The following USP13 variants were observed in gnomAD, a reference collection of about 807,000 sequenced individuals.
The protein encoded by USP13 is ubiquitin specific peptidase 13.
Under a neutral mutation model 107.8 loss-of-function variants are expected in USP13, and 68 were observed. The observed-to-expected ratio is 0.63, with a 90% CI of 0.52 to 0.77. USP13 has a LOEUF of 0.77. USP13 is among the 30% of genes least tolerant of loss of function. The pLI is 0.00. For synonymous variants in USP13, 377 were observed against 389.5 expected (o/e 0.97, Z 0.38); for missense variants, 945 against 1,093.3 (o/e 0.86, Z 1.91).
At chr3:179,683,511 G>A (rs1202863876) in intron 2 of USP13, among the ~76,000 whole-genome samples, 1 of 152,188 alleles carries the variant, frequency 6.6e-6, no homozygotes, top group Non-Finnish European at 1.5e-5. Context: ...CATGGTAGAA[G>A]GCAAAAAGGA....
chr3:179,724,173 G>T (rs1263213982), intron 8 of USP13, among the ~76,000 whole-genome samples: 2 of 151,546 alleles, frequency 1.3e-5, no homozygotes, highest in Non-Finnish European at 2.9e-5. Context: ...AAAATAATAA[G>T]AAGGCCGGGT....
At chr3:179,720,283 A>G (rs967865909) in intron 7 of USP13, among the ~76,000 whole-genome samples, 1 of 152,142 alleles carries the variant, frequency 6.6e-6, no homozygotes, top group Non-Finnish European at 1.5e-5. Flanking sequence ...GTTTAGTTGG[A>G]GTTTACTTGC....
Position 179,742,070 on chromosome 3 carries a change from A to G in USP13, c.1381-127A>G. 8.7e-7 allele frequency: 1 copy of G among 1,146,872 alleles called. No homozygotes were observed. The highest frequency in any genetic ancestry group is 1.2e-6 in the Non-Finnish European group (1 of 826,460). The allele number at this position is 1,146,872 out of a possible 1,614,324, so 71.0% of individuals were successfully genotyped here. On this transcript the variant is annotated intron_variant, in intron 11 of 20. Coordinates refer to ENST00000263966, the MANE Select transcript of USP13 (RefSeq NM_003940.3). The surrounding 1 kb of genome is among the most constrained non-coding windows in gnomAD (Gnocchi z 5.0). The stretch of plus-strand genomic sequence containing the variant: ...TTTTTCTATTAAAGTGCTTTGGTGA[A>G]TGGGCATGGCCAGAGGAAATGTTTA...
chr3:179,748,987 G>A (rs950642413), intron 13 of USP13, among the ~76,000 whole-genome samples: 17 of 152,174 alleles, frequency 1.1e-4, no homozygotes, highest in African/African-American at 4.1e-4. Flanking sequence ...ATAGGATGGA[G>A]TTGTTATTTC....
chr3:179,708,649 T>C, intron 5 of USP13, 124 bp from the exon 6 acceptor site: 1 of 1,193,434 alleles, frequency 8.4e-7, no homozygotes, highest in East Asian at 2.4e-5. Flanking sequence ...TGGGGAAGCA[T>C]CAGTCTCTGT....
chr3:179,666,056 A>G (rs1357340224), intron 1 of USP13, among the ~76,000 whole-genome samples: 2 of 152,174 alleles, frequency 1.3e-5, no homozygotes, highest in Admixed American at 6.5e-5. Context: ...GTTGGGACCA[A>G]CTTGGCTTGT....
chr3:179,757,209 C>A, intron 16 of USP13, 131 bp downstream of exon 16: 1 of 1,015,516 alleles, frequency 9.8e-7, no homozygotes, highest in Non-Finnish European at 1.5e-6. Flanking sequence ...GTGGGAACGG[C>A]TCTGTGTCTG....
intron 19 of USP13, among the ~76,000 whole-genome samples, chr3:179,775,951 T>C (rs1320363311): frequency 6.6e-6 from 1 of 152,136 alleles, no homozygotes; most frequent in East Asian, 1.9e-4. Flanking sequence ...AGCGGTGGGC[T>C]GAAGGGCTCC....
intron 1 of USP13, among the ~76,000 whole-genome samples, chr3:179,669,108 A>G (rs1560042236): frequency 6.6e-6 from 1 of 152,046 alleles, no homozygotes; most frequent in Non-Finnish European, 1.5e-5. Context: ...CCTCACTTCC[A>G]CCCTTTTCCA....
intron 1 of USP13, among the ~76,000 whole-genome samples, chr3:179,658,472 T>C (rs1720356167): frequency 6.6e-6 from 1 of 152,214 alleles, no homozygotes; most frequent in Non-Finnish European, 1.5e-5. Context: ...TGGAGCTGTT[T>C]ATGCCTTGCC....
intron 5 of USP13, 64 bp from the exon 6 acceptor site, chr3:179,708,709 T>C: frequency 6.3e-7 from 1 of 1,583,922 alleles, no homozygotes. Context: ...CCCTCTGTCT[T>C]CTTAGATGTT....
chr3:179,741,255 G>A (rs1413391324), intron 11 of USP13, among the ~76,000 whole-genome samples: 6 of 151,844 alleles, frequency 4.0e-5, no homozygotes, highest in African/African-American at 1.2e-4. Flanking sequence ...TGCTCTTGTC[G>A]CCCAGGCTGG....
intron 18 of USP13, 34 bp downstream of exon 18, chr3:179,764,202 TG>T (rs1715102556): frequency 1.1e-5 from 18 of 1,578,688 alleles, no homozygotes; most frequent in Non-Finnish European, 1.5e-5. Flanking sequence ...TGTGTGTGTG[TG>T]TGTGTGTGTG....
chr3:179,781,957 C>T (rs765824292), intron 20 of USP13, 134 bp downstream of exon 20: 48 of 699,262 alleles, frequency 6.9e-5, no homozygotes, highest in Non-Finnish European at 9.8e-5. Context: ...ATACTGTTAA[C>T]GCCCTTTTGC....
rs1192598042 is a variant in USP13, at chr3:179,681,904, C to T, written c.195C>T (p.Cys65=). The change falls in exon 2 of 21, where the codon TGC becomes TGT. Residue 65 remains cysteine, a synonymous_variant. Transcript: ENST00000263966. The part of the protein sequence containing the change: ...SPNSEGGLYV[C]MNTFLAFGRE... ...ATTCTGAAGGTGGACTCTATGTATG[C>T]ATGAATACATTTTTGGCCTTTGGAA... is the stretch of plus-strand genomic sequence containing the variant. 2 of 1,613,764 alleles carry T rather than the reference C, an allele frequency of 1.2e-6. No homozygotes were observed. The highest frequency in any genetic ancestry group is 1.7e-6 in the Non-Finnish European group (2 of 1,179,864).
chr3:179,715,905 TG>T (rs1326939281), intron 6 of USP13, among the ~76,000 whole-genome samples: 1 of 152,158 alleles, frequency 6.6e-6, no homozygotes, highest in Non-Finnish European at 1.5e-5. Context: ...GCACCAAAGC[TG>T]GCTTTCCTAG....
At position 179,701,086 on chromosome 3, in the gene USP13, AC is replaced by A. The variant is rs1712500166; in HGVS notation, c.435del (p.Tyr146MetfsTer3). The A allele has an allele frequency of 1.2e-6, 2 of 1,614,044 alleles. No individual in the cohort carries two copies. The highest frequency in any genetic ancestry group is 4.5e-5 in the East Asian group (2 of 44,888). Reference protein sequence around the residue: ...DEAKLVIFPDHYEIALPNIEE... With the variant: ...DEAKLVIFPDXYEIALPNIEE... ...GCCAAACTTGTTATATTCCCAGATC[AC>A]TATGAAATAGCACTACCAAATATTG... is the stretch of plus-strand genomic sequence containing the variant. On this transcript the variant is annotated frameshift_variant, in exon 4 of 21. Transcript: ENST00000263966. LOFTEE classifies it high-confidence loss of function.
chr3:179,658,614 A>G (rs1017358589), intron 1 of USP13, among the ~76,000 whole-genome samples: 2 of 152,226 alleles, frequency 1.3e-5, no homozygotes, highest in Non-Finnish European at 2.9e-5. Context: ...CCAGTCCAAG[A>G]GTGAGTTATG....
At chr3:179,692,921 C>A (rs1048248532) in intron 3 of USP13, among the ~76,000 whole-genome samples, 1 of 152,126 alleles carries the variant, frequency 6.6e-6, no homozygotes, top group Non-Finnish European at 1.5e-5. Context: ...AGGGGACTAC[C>A]TACCATTTTG....
Sources: gnomAD v4.1 joint callset for allele counts (sites outside exome capture counted in the v4.1 genomes callset) on GRCh38, gnomAD v4.1.1 for gene constraint, Gnocchi (gnomAD v3.1) non-coding constraint, MANE v1.5 for transcripts, NCBI Gene and HGNC (gene_info 2026-07-23, HGNC 2026-07-21) for gene names.